The following LRRFIP1 variants were observed in gnomAD, a reference collection of about 807,000 sequenced individuals.
LRRFIP1 encodes the protein leucine-rich repeat flightless-interacting protein 1.
LRRFIP1 carries 62 observed loss-of-function variants against 104.4 expected under a neutral mutation model. The observed-to-expected ratio is 0.59, with a 90% CI of 0.48 to 0.73. The LOEUF is 0.73. Among genes scored for constraint, LRRFIP1 ranks in the 30% least tolerant of loss-of-function variants. The pLI, the probability that LRRFIP1 is intolerant of heterozygous loss-of-function variation, is 0.00. For synonymous variants in LRRFIP1, 300 were observed against 299.0 expected (o/e 1.00, Z -0.03); for missense variants, 796 against 824.5 (o/e 0.97, Z 0.42).
chr2:237,714,115 C>A, intron 2 of LRRFIP1, 144 bp from the exon 3 acceptor site: 1 of 547,954 alleles, frequency 1.8e-6, no homozygotes, highest in East Asian at 2.8e-5. Flanking sequence ...GTCAGTGGGA[C>A]CTCACCTGTT....
chr2:237,637,455 G>A (rs1424314940), intron 1 of LRRFIP1, among the ~76,000 whole-genome samples: 1 of 152,160 alleles, frequency 6.6e-6, no homozygotes, highest in Non-Finnish European at 1.5e-5. Flanking sequence ...GCAGCAGAGC[G>A]AGACTCCATC....
chr2:237,692,554 G>C (rs1242794386), intron 1 of LRRFIP1: 1 of 1,488,830 alleles, frequency 6.7e-7, no homozygotes, highest in Non-Finnish European at 9.0e-7. Context: ...ACTTTCTTTC[G>C]TGACTGCGGC....
intron 4 of LRRFIP1, among the ~76,000 whole-genome samples, chr2:237,718,811 T>C (rs1353126108): frequency 6.6e-6 from 1 of 152,228 alleles, no homozygotes; most frequent in East Asian, 1.9e-4. Context: ...ACTTACTGTA[T>C]TGAAAATATG....
intron 15 of LRRFIP1, among the ~76,000 whole-genome samples, chr2:237,754,725 C>T (rs1484450254): frequency 6.6e-6 from 1 of 152,232 alleles, no homozygotes; most frequent in Non-Finnish European, 1.5e-5. Context: ...TAGCTGAACT[C>T]TGCAAGAGGG....
intron 5 of LRRFIP1, 88 bp from the exon 6 acceptor site, chr2:237,720,684 T>G (rs549508409): frequency 5.7e-6 from 7 of 1,229,018 alleles, no homozygotes; most frequent in Non-Finnish European, 8.4e-6. Flanking sequence ...TGGGGTCAGT[T>G]CCCAGCATCC....
intron 1 of LRRFIP1, among the ~76,000 whole-genome samples, chr2:237,662,875 A>G (rs937481454): frequency 6.6e-6 from 1 of 152,146 alleles, no homozygotes; most frequent in South Asian, 2.1e-4. Flanking sequence ...TACCGTTGCC[A>G]TGACGGCACC....
intron 19 of LRRFIP1, chr2:237,765,127 A>G (rs1366510375): frequency 1.2e-5 from 3 of 250,042 alleles, no homozygotes; most frequent in Non-Finnish European, 1.9e-5. Context: ...GCCGGGCGTG[A>G]TGGTGGGCGC....
At chr2:237,694,013 C>G (rs2092996378) in intron 1 of LRRFIP1, among the ~76,000 whole-genome samples, 1 of 152,212 alleles carries the variant, frequency 6.6e-6, no homozygotes, top group African/African-American at 2.4e-5. Flanking sequence ...TCCCTCACCC[C>G]CAGTTCCAGA....
At chr2:237,714,132 T>C (rs999624021) in intron 2 of LRRFIP1, 127 bp from the exon 3 acceptor site, 2 of 591,966 alleles carry the variant, frequency 3.4e-6, no homozygotes, top group African/African-American at 1.9e-5. Context: ...TGTTTTCTTA[T>C]TCACATTTTA....
intron 13 of LRRFIP1, among the ~76,000 whole-genome samples, chr2:237,750,763 T>A (rs2058528258): frequency 6.6e-6 from 1 of 152,106 alleles, no homozygotes; most frequent in Admixed American, 6.5e-5. Context: ...CCAGATGCTG[T>A]CCCCGGCACC....
rs188521939 is a variant in LRRFIP1 at position 237,632,034 on chromosome 2, G to A, written c.96+4294G>A. Among the ~76,000 whole-genome samples, 8 of 152,342 alleles carry A rather than the reference G, an allele frequency of 5.3e-5. No homozygotes were observed. In the East Asian group the frequency reaches 7.7e-4, roughly 15 times the overall value. ...TGCTTCACCGGCCCCAAGTTGACTC[G>A]TGGGCCTGCGGGTGCTGTTGGTTCA... On this transcript the variant is annotated intron_variant, in intron 1 of 23. Coordinates refer to ENST00000308482, the MANE Select transcript of LRRFIP1 (RefSeq NM_001137550.2).
At chr2:237,639,368 G>T (rs1244024863) in intron 1 of LRRFIP1, among the ~76,000 whole-genome samples, 1 of 152,228 alleles carries the variant, frequency 6.6e-6, no homozygotes, top group African/African-American at 2.4e-5. Flanking sequence ...AGCGTCCCTG[G>T]GGACTTCTTA....
At chr2:237,734,273 CTTTT>C (rs71870330) in intron 9 of LRRFIP1, among the ~76,000 whole-genome samples, 11,535 of 90,216 alleles carry the variant, frequency 0.13, 304 homozygotes, top group East Asian at 0.24. Flanking sequence ...TGTTAATAAC[CTTTT>C]TTTTTTTTTT....
At chr2:237,709,257 G>C (rs184153131) in intron 2 of LRRFIP1, among the ~76,000 whole-genome samples, 3 of 152,118 alleles carry the variant, frequency 2.0e-5, no homozygotes, top group Non-Finnish European at 2.9e-5. Flanking sequence ...ACAGCATAAG[G>C]GTTCTTTAAC....
chr2:237,693,791 A>G (rs2149790275), intron 1 of LRRFIP1, among the ~76,000 whole-genome samples: 1 of 152,222 alleles, frequency 6.6e-6, no homozygotes, highest in South Asian at 2.1e-4. Flanking sequence ...TGAGAACAGG[A>G]TGTGAGGAAA....
intron 1 of LRRFIP1, among the ~76,000 whole-genome samples, chr2:237,627,941 G>A (rs1318260254): frequency 6.6e-6 from 1 of 150,894 alleles, no homozygotes; most frequent in Non-Finnish European, 1.5e-5. Flanking sequence ...CGAGGCCTGC[G>A]GACCCCGCAC....
intron 1 of LRRFIP1, among the ~76,000 whole-genome samples, chr2:237,683,054 G>A (rs1304666071): frequency 1.3e-5 from 2 of 152,198 alleles, no homozygotes; most frequent in Non-Finnish European, 2.9e-5. Flanking sequence ...CCAGGAACGC[G>A]GCTAGCCATC....
chr2:237,687,371 G>T (rs564757339), intron 1 of LRRFIP1, among the ~76,000 whole-genome samples: 6 of 152,192 alleles, frequency 3.9e-5, no homozygotes, highest in African/African-American at 1.2e-4. Flanking sequence ...TTGGGAGGGT[G>T]AGGCGGGTGG....
chr2:237,779,587 CT>C lies in LRRFIP1; in HGVS notation c.*59del, dbSNP rs1162548161. The C allele has an allele frequency of 4.1e-6, 6 of 1,464,830 alleles. No individual in the cohort carries two copies. Among genetic ancestry groups the C allele is most frequent in the Non-Finnish European group, 4.8e-6 (5 of 1,048,850 alleles). 90.7% of individuals were successfully genotyped at this position (1,464,830 alleles called of 1,614,324 possible). On this transcript the variant is annotated 3_prime_UTR_variant, in exon 24 of 24. Transcript: ENST00000308482. ...TGACTGGAGAGCATTGTTTCATAGG[CT>C]TTTCTCTGTCCTATCTGGGAGCGCT...
Sources: gnomAD v4.1 joint callset for allele counts (sites outside exome capture counted in the v4.1 genomes callset) on GRCh38, gnomAD v4.1.1 for gene constraint, MANE v1.5 for transcripts, NCBI Gene and HGNC (gene_info 2026-07-23, HGNC 2026-07-21) for gene names.